The following CAST variants were observed in gnomAD, a reference collection of about 807,000 sequenced individuals.
CAST encodes calpastatin.
In CAST, 76 loss-of-function variants were observed where a neutral mutation model predicts 119.6. The ratio of observed to expected loss-of-function variants is 0.64; its 90% CI spans 0.53 to 0.77. The LOEUF (loss-of-function observed/expected upper bound fraction) is 0.77, where lower values mean the gene tolerates loss of function less well. Ranked by LOEUF, CAST falls within the 30% of genes least tolerant of loss-of-function variation. CAST has a pLI of 0.00. For synonymous variants in CAST, 319 were observed against 331.6 expected, an observed-to-expected ratio of 0.96 and a Z score of 0.41; for missense variants, 953 against 946.5, an observed-to-expected ratio of 1.01 and a Z score of -0.09.
At chr5:96,612,109 A>G (rs923928069) in intron 1 of CAST, among the ~76,000 whole-genome samples, 2 of 152,180 alleles carry the variant, frequency 1.3e-5, no homozygotes, top group Non-Finnish European at 2.9e-5. Context: ...TCCGAAGGAA[A>G]AGAAATAGTT....
At chr5:96,743,433 TG>T in intron 16 of CAST, 1 of 610,642 alleles carries the variant, frequency 1.6e-6, no homozygotes, top group Non-Finnish European at 2.8e-6. Context: ...GGCAGTGTTG[TG>T]GGGAGATGGA....
the CAST span, among the ~76,000 whole-genome samples, chr5:96,279,595 T>G: frequency 2.1e-4 from 32 of 152,254 alleles, no homozygotes; most frequent in Non-Finnish European, 4.0e-4. Context: ...TTAATAGACA[T>G]GATAAGAACA....
intron 31 of CAST, 77 bp downstream of exon 31, chr5:96,771,779 A>G: frequency 7.0e-6 from 6 of 857,480 alleles, no homozygotes. Context: ...AGAGAAGTGA[A>G]GTCCACCTCT....
At chr5:96,338,680 C>T in the CAST span, among the ~76,000 whole-genome samples, 7 of 152,106 alleles carry the variant, frequency 4.6e-5, no homozygotes, top group African/African-American at 1.2e-4. Context: ...TTTCTGGAAG[C>T]GAACCCCTGG....
chr5:96,026,687 A>G, the CAST span, among the ~76,000 whole-genome samples: 1 of 152,238 alleles, frequency 6.6e-6, no homozygotes, highest in Non-Finnish European at 1.5e-5. Context: ...AAAAGAAAAG[A>G]TAAATTAATT....
At chr5:96,169,804 T>C in the CAST span, among the ~76,000 whole-genome samples, 2 of 152,090 alleles carry the variant, frequency 1.3e-5, no homozygotes, top group African/African-American at 4.8e-5. Context: ...CAATGAGGTG[T>C]GGCTGTAGCC....
At chr5:96,365,975 C>T in the CAST span, among the ~76,000 whole-genome samples, 2 of 152,134 alleles carry the variant, frequency 1.3e-5, no homozygotes, top group African/African-American at 4.8e-5. Flanking sequence ...CCAGTTGTTC[C>T]TTTCCATGTT....
At chr5:96,371,352 T>A in the CAST span, among the ~76,000 whole-genome samples, 4 of 152,340 alleles carry the variant, frequency 2.6e-5, no homozygotes, top group African/African-American at 9.6e-5. Context: ...GTACTAATCC[T>A]GTGATAGCCC....
exon 1 of CAST, chr5:96,529,830 C>A: frequency 4.6e-6 from 2 of 434,998 alleles, no homozygotes; most frequent in Non-Finnish European, 9.2e-6. Flanking sequence ...TGGAGAGGTG[C>A]CTTCTGCCAT....
chr5:96,744,370 T>C (rs1381599566), intron 16 of CAST, among the ~76,000 whole-genome samples: 2 of 152,150 alleles, frequency 1.3e-5, no homozygotes, highest in Non-Finnish European at 2.9e-5. Flanking sequence ...CAAAGTCACG[T>C]CTTACATGGA....
chr5:96,035,083 ATATATT>A, the CAST span, among the ~76,000 whole-genome samples: 1 of 140,698 alleles, frequency 7.1e-6, no homozygotes, highest in African/African-American at 2.5e-5. Flanking sequence ...ATATATATAT[ATATATT>A]TAAGTATATA....
chr5:96,764,325 G>A (rs1288139727), intron 25 of CAST, among the ~76,000 whole-genome samples: 2 of 152,086 alleles, frequency 1.3e-5, no homozygotes, highest in Non-Finnish European at 2.9e-5. Flanking sequence ...TCACGGCCAA[G>A]GAAACTGAAG....
At chr5:96,355,557 C>T in the CAST span, among the ~76,000 whole-genome samples, 1 of 152,076 alleles carries the variant, frequency 6.6e-6, no homozygotes, top group East Asian at 1.9e-4. Flanking sequence ...ATTAGGATAG[C>T]TGGGTCAAAT....
intron 1 of CAST, among the ~76,000 whole-genome samples, chr5:96,673,425 T>C (rs140687994): frequency 1.6e-3 from 244 of 152,352 alleles, no homozygotes; most frequent in African/African-American, 5.6e-3. Context: ...TATAGCTGAA[T>C]GTGGAAGCAA....
intron 9 of CAST, among the ~76,000 whole-genome samples, chr5:96,734,734 A>C (rs886800932): frequency 5.3e-5 from 8 of 152,204 alleles, no homozygotes; most frequent in African/African-American, 1.9e-4. Flanking sequence ...CTTGCAGTCC[A>C]GTCCCTAAGT....
the CAST span, among the ~76,000 whole-genome samples, chr5:95,989,235 GT>G: frequency 6.6e-6 from 1 of 152,110 alleles, no homozygotes; most frequent in African/African-American, 2.4e-5. Flanking sequence ...CTTTATATTT[GT>G]TTTGTCTTCC....
the CAST span, among the ~76,000 whole-genome samples, chr5:96,325,372 T>TTCGC: frequency 6.7e-6 from 1 of 150,312 alleles, no homozygotes; most frequent in African/African-American, 2.5e-5. Flanking sequence ...TTTCTTTCTT[T>TTCGC]TCTTTCTTCT....
At chr5:95,970,909 A>G in the CAST span, among the ~76,000 whole-genome samples, 6 of 152,216 alleles carry the variant, frequency 3.9e-5, no homozygotes, top group Non-Finnish European at 7.3e-5. Flanking sequence ...AGCACAAAAA[A>G]TATAAGAAGT....
chr5:96,719,875 G>C (rs554510227), intron 3 of CAST, among the ~76,000 whole-genome samples: 2 of 152,248 alleles, frequency 1.3e-5, no homozygotes, highest in East Asian at 3.9e-4. Flanking sequence ...TTTCCAGCCT[G>C]AGCGATCCCT....
Sources: allele counts gnomAD v4.1 joint callset (sites outside exome capture counted in the v4.1 genomes callset), GRCh38; gene constraint gnomAD v4.1.1; transcripts MANE v1.5; gene names NCBI Gene and HGNC (gene_info 2026-07-23, HGNC 2026-07-21).